The following SLC39A14 variants were observed in gnomAD, a reference collection of about 807,000 sequenced individuals.
SLC39A14 encodes the protein solute carrier family 39 member 14, also known as metal cation symporter ZIP14.
In SLC39A14, 19 loss-of-function variants were observed where a neutral mutation model predicts 45.5. The ratio of observed to expected loss-of-function variants is 0.42; its 90% CI spans 0.29 to 0.61. The LOEUF (loss-of-function observed/expected upper bound fraction) is 0.61, where lower values mean the gene tolerates loss of function less well. Ranked by LOEUF, SLC39A14 falls within the 20% of genes least tolerant of loss-of-function variation. The pLI, the probability that SLC39A14 is intolerant of heterozygous loss-of-function variation, is 0.22. For missense variants in SLC39A14, 447 were observed against 616.5 expected (o/e 0.73, Z 2.91); for synonymous variants, 264 against 251.3 (o/e 1.05, Z -0.48).
chr8:22,397,179 G>A (rs1026582916), intron 1 of SLC39A14, among the ~76,000 whole-genome samples: 1 of 152,136 alleles, frequency 6.6e-6, no homozygotes, highest in African/African-American at 2.4e-5. Flanking sequence ...CGAAAATTGG[G>A]CTTCAGATTC....
chr8:22,425,883 G>C (rs1273215232), downstream of SLC39A14, among the ~76,000 whole-genome samples: 2 of 140,862 alleles, frequency 1.4e-5, no homozygotes, highest in Non-Finnish European at 3.1e-5. Context: ...GCTCTAGATG[G>C]TTTTTGTTTT....
downstream of SLC39A14, among the ~76,000 whole-genome samples, chr8:22,424,315 G>T (rs769996604): frequency 5.9e-5 from 9 of 152,118 alleles, no homozygotes; most frequent in Non-Finnish European, 1.0e-4. Flanking sequence ...CAATTTAGTT[G>T]TAGGGTCAGG....
chr8:22,409,516 G>T (rs1037358825), intron 3 of SLC39A14, among the ~76,000 whole-genome samples: 4 of 152,126 alleles, frequency 2.6e-5, no homozygotes, highest in African/African-American at 9.7e-5. Flanking sequence ...CTGAGTAGCT[G>T]GGATTTCAGG....
intron 1 of SLC39A14, among the ~76,000 whole-genome samples, chr8:22,373,030 G>A (rs966997103): frequency 2.0e-5 from 3 of 152,008 alleles, no homozygotes; most frequent in Non-Finnish European, 4.4e-5. Context: ...TTGGGAGGCC[G>A]AGCTGGGCAG....
intron 1 of SLC39A14, among the ~76,000 whole-genome samples, chr8:22,381,959 G>C (rs1489237573): frequency 6.6e-6 from 1 of 152,110 alleles, no homozygotes; most frequent in Non-Finnish European, 1.5e-5. Context: ...TGGCCGACAT[G>C]GTGAAACCCC....
At chr8:22,415,028 TTTCTTGA>T in intron 5 of SLC39A14, 126 bp downstream of exon 5, 1 of 1,164,078 alleles carries the variant, frequency 8.6e-7, no homozygotes, top group Non-Finnish European at 1.2e-6. Context: ...GAAACTCTAA[TTTCTTGA>T]GGAGACAATC....
At chr8:22,376,389 T>G (rs899766381) in intron 1 of SLC39A14, among the ~76,000 whole-genome samples, 7 of 149,756 alleles carry the variant, frequency 4.7e-5, no homozygotes, top group Non-Finnish European at 8.9e-5. Flanking sequence ...CACCATGTTG[T>G]CCAGGCTAGT....
chr8:22,409,884 G>A (rs1206599010), intron 3 of SLC39A14: 1 of 1,585,646 alleles, frequency 6.3e-7, no homozygotes, highest in African/African-American at 1.3e-5. Context: ...GGCCGCCCCA[G>A]GCAGCAGGAG....
chr8:22,378,120 A>C (rs1277129190), intron 1 of SLC39A14, among the ~76,000 whole-genome samples: 1 of 152,224 alleles, frequency 6.6e-6, no homozygotes, highest in Non-Finnish European at 1.5e-5. Context: ...GGCATGTGTC[A>C]GTAGAATGGA....
At chr8:22,423,491 A>G (rs1281464630), downstream of SLC39A14, among the ~76,000 whole-genome samples, 1 of 151,944 alleles carries the variant, frequency 6.6e-6, no homozygotes, top group Non-Finnish European at 1.5e-5. Flanking sequence ...GCCCGCCACC[A>G]CGCCCAGCTA....
At chr8:22,384,524 G>A (rs1352822448) in intron 1 of SLC39A14, among the ~76,000 whole-genome samples, 1 of 151,794 alleles carries the variant, frequency 6.6e-6, no homozygotes, top group African/African-American at 2.4e-5. Flanking sequence ...AAGGTCGACA[G>A]ATCACTTGAG....
intron 3 of SLC39A14, chr8:22,409,924 G>T: frequency 6.2e-7 from 1 of 1,613,216 alleles, no homozygotes; most frequent in African/African-American, 1.3e-5. Context: ...AGAGGCCCTC[G>T]TCTGTTCTTG....
At chr8:22,426,420 A>G (rs1306827920), downstream of SLC39A14, among the ~76,000 whole-genome samples, 1 of 151,932 alleles carries the variant, frequency 6.6e-6, no homozygotes, top group Non-Finnish European at 1.5e-5. Flanking sequence ...CTCGAACTCC[A>G]GGGCTCAAGC....
At position 22,421,886 on chromosome 8, in the gene SLC39A14, A is replaced by G. The variant is rs1047085887; in HGVS notation, c.*2188A>G. 12 of 985,276 alleles carry G rather than the reference A, an allele frequency of 1.2e-5. No individual in the cohort carries two copies. The highest frequency in any genetic ancestry group is 8.7e-5 in the African/African-American group (5 of 57,226). The allele number at this position is 985,276 out of a possible 1,614,324, so 61.0% of individuals were successfully genotyped here. A position where few individuals can be genotyped will look rare whatever the true frequency, so the allele number is the denominator to read the frequency against. ...GTTTTCCCTTTTTGTGCACACCTAT[A>G]TTACCTTAAGAAATTTCCTTCCATA... On this transcript the variant is annotated 3_prime_UTR_variant, in exon 9 of 9. Coordinates refer to ENST00000381237, the MANE Select transcript of SLC39A14 (RefSeq NM_001128431.4).
At chr8:22,413,074 T>G (rs1312507998) in intron 4 of SLC39A14, among the ~76,000 whole-genome samples, 1 of 152,222 alleles carries the variant, frequency 6.6e-6, no homozygotes, top group Non-Finnish European at 1.5e-5. Flanking sequence ...TACCTTTGCC[T>G]AATAAGTTCA....
chr8:22,420,511 ACCT>A lies in SLC39A14; in HGVS notation c.*818_*820del, dbSNP rs1209538350. 2.0e-6 allele frequency: 2 copies of A among 984,950 alleles called. No individual in the cohort carries two copies. Among genetic ancestry groups the A allele is most frequent in the African/African-American group, 3.5e-5 (2 of 57,038 alleles). The allele number at this position is 984,950 out of a possible 1,614,324, so 61.0% of individuals were successfully genotyped here. A position where few individuals can be genotyped will look rare whatever the true frequency, so the allele number is the denominator to read the frequency against. On this transcript the variant is annotated 3_prime_UTR_variant, in exon 9 of 9. Transcript: ENST00000381237. ...AACAGTTGGTTTGGCTGTGATTTTG[ACCT>A]CCTCTTCCCCACTGCCATCTTCTAA...
intron 2 of SLC39A14, 143 bp from the exon 3 acceptor site, chr8:22,408,167 A>T: frequency 1.4e-6 from 1 of 704,992 alleles, no homozygotes; most frequent in Non-Finnish European, 2.4e-6. Flanking sequence ...TCATCCCTAG[A>T]CTAGATGAAT....
chr8:22,404,774 T>A lies in SLC39A14; in HGVS notation c.64T>A (p.Trp22Arg). ...CCTCCTGCTGACCCTGCTTGGCTTA[T>A]GGAGAACCACCCCTGAGGCTCACGC... ...SCLLLTLLGL[W>R]RTTPEAHASS... The change falls in exon 2 of 9, where the codon TGG becomes AGG. Residue 22 changes from tryptophan to arginine, a missense_variant. Trp to Arg is a moderately radical substitution (Grantham distance 101, BLOSUM62 -3). Around this residue, in one of 2 missense-constraint regions of SLC39A14, gnomAD observed 342 missense variants for 428.1 expected, o/e 0.80. Transcript: ENST00000381237. The A allele has an allele frequency of 6.2e-7, 1 of 1,613,436 alleles. No homozygotes were observed. Among genetic ancestry groups the A allele is most frequent in the Non-Finnish European group, 8.5e-7 (1 of 1,179,468 alleles).
downstream of SLC39A14, among the ~76,000 whole-genome samples, chr8:22,427,022 G>C (rs1340028864): frequency 6.6e-6 from 1 of 151,856 alleles, no homozygotes; most frequent in Non-Finnish European, 1.5e-5. Flanking sequence ...GCCGGGTGCA[G>C]TGGCTCATGC....
Sources: allele counts gnomAD v4.1 joint callset (sites outside exome capture counted in the v4.1 genomes callset), GRCh38; gene constraint gnomAD v4.1.1; regional missense constraint gnomAD v4.1.1; transcripts MANE v1.5; gene names NCBI Gene and HGNC (gene_info 2026-07-23, HGNC 2026-07-21).